The following KCNB2 variants were observed in gnomAD, a reference collection of about 807,000 sequenced individuals.
The protein encoded by KCNB2 is potassium voltage-gated channel subfamily B member 2, also known as delayed rectifier potassium channel protein.
Under a neutral mutation model 61.5 loss-of-function variants are expected in KCNB2, and 15 were observed. The ratio of observed to expected loss-of-function variants is 0.24; its 90% CI spans 0.16 to 0.38. The LOEUF (loss-of-function observed/expected upper bound fraction) is 0.38, where lower values mean the gene tolerates loss of function less well. Ranked by LOEUF, KCNB2 falls within the 10% of genes least tolerant of loss-of-function variation. The pLI, the probability that KCNB2 is intolerant of heterozygous loss-of-function variation, is 1.00. For synonymous variants in KCNB2, 457 were observed against 446.0 expected (o/e 1.02, Z -0.31); for missense variants, 828 against 1,125.2 (o/e 0.74, Z 3.78).
At chr8:72,614,799 C>G (rs1489218) in intron 2 of KCNB2, among the ~76,000 whole-genome samples, 57,670 of 151,974 alleles carry the variant, frequency 0.38, 13,194 homozygotes, top group Non-Finnish European at 0.51. Flanking sequence ...TCCATTCTGA[C>G]AGAAAAGTTT....
At chr8:72,897,274 T>TA (rs11379809) in intron 2 of KCNB2, among the ~76,000 whole-genome samples, 42,557 of 150,538 alleles carry the variant, frequency 0.28, 6,192 homozygotes, top group Non-Finnish European at 0.31. Context: ...CAAGTGAAAA[T>TA]AAAAAAATTA....
intron 2 of KCNB2, among the ~76,000 whole-genome samples, chr8:72,578,507 T>A (rs557716745): frequency 6.6e-6 from 1 of 152,314 alleles, no homozygotes; most frequent in South Asian, 2.1e-4. Context: ...AGTAATTGCA[T>A]TATGAGTAAT....
At chr8:72,615,687 G>A (rs188791360) in intron 2 of KCNB2, among the ~76,000 whole-genome samples, 42 of 152,262 alleles carry the variant, frequency 2.8e-4, no homozygotes, top group African/African-American at 9.1e-4. Flanking sequence ...ATATATTGTA[G>A]GCTGGAAACT....
chr8:72,889,833 G>T (rs1015744677), intron 2 of KCNB2, among the ~76,000 whole-genome samples: 5 of 152,064 alleles, frequency 3.3e-5, no homozygotes, highest in Non-Finnish European at 7.3e-5. Flanking sequence ...TTGGCTCATT[G>T]CAACCTCCAT....
intron 2 of KCNB2, among the ~76,000 whole-genome samples, chr8:72,767,598 T>G (rs978237668): frequency 3.3e-5 from 5 of 152,238 alleles, no homozygotes; most frequent in Non-Finnish European, 5.9e-5. Flanking sequence ...TATGGTATGG[T>G]TATACTACAT....
chr8:72,769,485 A>G (rs1808525296), intron 2 of KCNB2, among the ~76,000 whole-genome samples: 3 of 152,230 alleles, frequency 2.0e-5, no homozygotes. Flanking sequence ...ACATATTAGT[A>G]GTCCAGTGAT....
At chr8:72,720,687 A>G (rs1290044531) in intron 2 of KCNB2, among the ~76,000 whole-genome samples, 1 of 152,202 alleles carries the variant, frequency 6.6e-6, no homozygotes, top group Non-Finnish European at 1.5e-5. Flanking sequence ...TGACTAGCAC[A>G]TAGTAGACAC....
At chr8:72,641,487 T>C (rs1330292047) in intron 2 of KCNB2, among the ~76,000 whole-genome samples, 1 of 152,148 alleles carries the variant, frequency 6.6e-6, no homozygotes, top group East Asian at 1.9e-4. Context: ...TTACTCCCAT[T>C]ACTAAGGCTT....
At chr8:72,626,346 C>G (rs1336993808) in intron 2 of KCNB2, among the ~76,000 whole-genome samples, 1 of 152,194 alleles carries the variant, frequency 6.6e-6, no homozygotes, top group African/African-American at 2.4e-5. Flanking sequence ...AACCACAAAT[C>G]TAAGGCCACA....
In KCNB2 at chr8:72,616,674, A is replaced by G. The variant is rs183695714; in HGVS notation, c.579+48361A>G. Among the ~76,000 whole-genome samples the G allele has an allele frequency of 5.3e-5, 8 of 152,296 alleles. No individual in the cohort carries two copies. The East Asian group carries it at 1.5e-3, about 29-fold the overall frequency. On this transcript the variant is annotated intron_variant, in intron 2 of 2. Coordinates refer to ENST00000523207, the MANE Select transcript of KCNB2 (RefSeq NM_004770.3). ...CTGTCTGAAATTTTCTTATCTGTGT[A>G]TGCATTTATTTACTGTCTTCCTCTT...
intron 2 of KCNB2, among the ~76,000 whole-genome samples, chr8:72,611,485 T>C (rs1805538470): frequency 6.6e-6 from 1 of 152,192 alleles, no homozygotes; most frequent in Non-Finnish European, 1.5e-5. Flanking sequence ...CTTGTTATTT[T>C]AATCACCTAT....
intron 2 of KCNB2, among the ~76,000 whole-genome samples, chr8:72,714,894 G>C (rs968033798): frequency 1.3e-4 from 20 of 151,968 alleles, no homozygotes; most frequent in Non-Finnish European, 2.4e-4. Context: ...AGACCCATCA[G>C]TGTGCTGTAT....
At chr8:72,795,580 C>G (rs1265507222) in intron 2 of KCNB2, among the ~76,000 whole-genome samples, 1 of 152,222 alleles carries the variant, frequency 6.6e-6, no homozygotes, top group Non-Finnish European at 1.5e-5. Context: ...AATCGGATTA[C>G]AGTTACCTTG....
At position 72,777,259 on chromosome 8, in the gene KCNB2, C is replaced by T. The variant is rs192914334; in HGVS notation, c.580-158676C>T. On this transcript the variant is annotated intron_variant, in intron 2 of 2. Transcript: ENST00000523207. ...ATTGTCAATTTGTTGTGATCTTAGC[C>T]TTGCATATTTGTAAGTGCTACTAAG... Among the ~76,000 whole-genome samples the T allele has an allele frequency of 5.3e-5, 8 of 152,226 alleles. No individual in the cohort carries two copies. The East Asian group carries it at 1.2e-3, about 22-fold the overall frequency.
intron 2 of KCNB2, chr8:72,750,382 A>T (rs1808168491): frequency 6.6e-6 from 1 of 152,092 alleles, no homozygotes; most frequent in Admixed American, 6.6e-5. Flanking sequence ...TTCCTGGGTT[A>T]TGGGTTATGC....
intron 2 of KCNB2, among the ~76,000 whole-genome samples, chr8:72,681,681 C>G (rs1441285688): frequency 6.6e-6 from 1 of 152,168 alleles, no homozygotes; most frequent in Non-Finnish European, 1.5e-5. Flanking sequence ...GTATTATGTA[C>G]TATACAGAAT....
At chr8:72,821,651 A>ACAC (rs1563395128) in intron 2 of KCNB2, among the ~76,000 whole-genome samples, 3 of 150,418 alleles carry the variant, frequency 2.0e-5, no homozygotes, top group African/African-American at 7.3e-5. Context: ...CAAAAAAAAA[A>ACAC]AAAAAAAAAC....
At chr8:72,608,479 A>G (rs1030847162) in intron 2 of KCNB2, among the ~76,000 whole-genome samples, 3 of 152,158 alleles carry the variant, frequency 2.0e-5, no homozygotes, top group Middle Eastern at 3.2e-3. Context: ...TTGGGAGGCT[A>G]TTGAAACAGG....
intron 2 of KCNB2, among the ~76,000 whole-genome samples, chr8:72,585,890 GA>G (rs1806994772): frequency 6.6e-6 from 1 of 152,134 alleles, no homozygotes; most frequent in South Asian, 2.1e-4. Context: ...ATTTTCAAAA[GA>G]AAAAGGAAAC....
Sources: allele counts gnomAD v4.1 joint callset (sites outside exome capture counted in the v4.1 genomes callset), GRCh38; gene constraint gnomAD v4.1.1; transcripts MANE v1.5; gene names NCBI Gene and HGNC (gene_info 2026-07-23, HGNC 2026-07-21).